The following KIF1B variants were observed in gnomAD, a reference collection of about 807,000 sequenced individuals.
KIF1B encodes kinesin family member 1B, also known as kinesin-like protein KIF1B.
A neutral mutation model predicts 241.9 loss-of-function variants in KIF1B; 76 were observed. That is an observed-to-expected ratio of 0.31 (90% CI 0.26 to 0.38). The LOEUF (loss-of-function observed/expected upper bound fraction) is 0.38. KIF1B is among the 10% of genes least tolerant of loss of function. The pLI, the probability that KIF1B is intolerant of heterozygous loss-of-function variation, is 1.00. For missense variants in KIF1B, 1,622 were observed against 2,271.4 expected (o/e 0.71, Z 5.81); for synonymous variants, 750 against 796.7 (o/e 0.94, Z 0.99).
chr1:10,232,244 T>G lies in KIF1B; in HGVS notation c.-79-6T>G. On this transcript the variant is annotated splice_polypyrimidine_tract_variant and splice_region_variant and intron_variant, in intron 1 of 48. Transcript: ENST00000676179. The stretch of plus-strand genomic sequence containing the variant: ...TACCTCATATGGAATTTTTTTCTTT[T>G]CAAAGGAAACTTGGCTGTAACTTCA... The G allele has an allele frequency of 9.2e-7, 1 of 1,083,064 alleles. No individual in the cohort carries two copies. The highest frequency in any genetic ancestry group is 1.4e-6 in the Non-Finnish European group (1 of 727,256). The allele number at this position is 1,083,064 out of a possible 1,614,324, so 67.1% of individuals were successfully genotyped here.
At chr1:10,218,386 C>T (rs746766880) in intron 1 of KIF1B, among the ~76,000 whole-genome samples, 3 of 151,856 alleles carry the variant, frequency 2.0e-5, no homozygotes, top group Admixed American at 6.6e-5. Flanking sequence ...TGGCTACTCA[C>T]ATGGCTATTA....
intron 2 of KIF1B, among the ~76,000 whole-genome samples, chr1:10,255,483 A>G (rs1004108152): frequency 6.6e-6 from 1 of 152,098 alleles, no homozygotes; most frequent in African/African-American, 2.4e-5. Flanking sequence ...CCAGCTACTC[A>G]GGAGGCTGAG....
At chr1:10,341,614 C>T (rs1652394517) in intron 32 of KIF1B, among the ~76,000 whole-genome samples, 1 of 152,126 alleles carries the variant, frequency 6.6e-6, no homozygotes, top group Non-Finnish European at 1.5e-5. Context: ...ATAGGGGATC[C>T]CCTGTTTTTT....
intron 32 of KIF1B, 99 bp from the exon 33 acceptor site, chr1:10,341,951 C>CA (rs33942183): frequency 0.072 from 49,177 of 679,468 alleles, 114 homozygotes; most frequent in East Asian, 0.094. Flanking sequence ...GACCTTGCCT[C>CA]AAAAAAAAAA....
rs562026830 is a variant in KIF1B at position 10,280,973 on chromosome 1, G to A, written c.1223-1349G>A. On this transcript the variant is annotated intron_variant, in intron 14 of 48. Coordinates refer to ENST00000676179, the MANE Select transcript of KIF1B (RefSeq NM_001365951.3). ...TTGGACCTAAACTCTGTCCATCCTG[G>A]TCTTTTCTCCCAATGGCTAATTTTT... Among the ~76,000 whole-genome samples, 15 of 152,150 alleles carry A rather than the reference G, an allele frequency of 9.9e-5. No individual in the cohort carries two copies. The South Asian group carries it at 2.7e-3, about 27-fold the overall frequency.
intron 1 of KIF1B, among the ~76,000 whole-genome samples, chr1:10,218,191 C>T (rs1169969677): frequency 1.3e-5 from 2 of 152,178 alleles, no homozygotes; most frequent in Admixed American, 6.5e-5. Context: ...TCAGTGTCCC[C>T]TCCTGCCCCC....
intron 2 of KIF1B, among the ~76,000 whole-genome samples, chr1:10,238,325 G>A (rs531266553): frequency 1.1e-4 from 15 of 141,754 alleles, no homozygotes; most frequent in African/African-American, 4.0e-4. Context: ...AGGTTGCAGT[G>A]AACTGAGATG....
chr1:10,238,387 A>AAG (rs1053539574), intron 2 of KIF1B, among the ~76,000 whole-genome samples: 1 of 150,764 alleles, frequency 6.6e-6, no homozygotes, highest in African/African-American at 2.5e-5. Flanking sequence ...GTCTCAAAAA[A>AAG]AAAAAAAAAA....
chr1:10,336,880 C>A (rs1652200016), intron 29 of KIF1B, 138 bp downstream of exon 29: 2 of 1,089,608 alleles, frequency 1.8e-6, no homozygotes, highest in African/African-American at 1.6e-5. Context: ...TGGGACATGT[C>A]TAACAATTAT....
At chr1:10,259,365 A>C (rs988302720) in intron 4 of KIF1B, among the ~76,000 whole-genome samples, 1 of 151,448 alleles carries the variant, frequency 6.6e-6, no homozygotes, top group African/African-American at 2.4e-5. Context: ...CCCATGCTGG[A>C]GTGCAGTGGT....
chr1:10,247,564 G>T (rs887943004), intron 2 of KIF1B, among the ~76,000 whole-genome samples: 1 of 152,202 alleles, frequency 6.6e-6, no homozygotes, highest in African/African-American at 2.4e-5. Context: ...TTAAATGAAA[G>T]AATATTTTGT....
At chr1:10,371,570 A>C (rs1036781637) in intron 45 of KIF1B, among the ~76,000 whole-genome samples, 5 of 152,194 alleles carry the variant, frequency 3.3e-5, no homozygotes, top group Non-Finnish European at 5.9e-5. Context: ...CAGACATAGG[A>C]AGTGCTATCT....
intron 5 of KIF1B, among the ~76,000 whole-genome samples, chr1:10,262,456 A>T (rs934946119): frequency 6.6e-6 from 1 of 152,158 alleles, no homozygotes; most frequent in African/African-American, 2.4e-5. Context: ...GCCACAATTA[A>T]ATCTTTGTTC....
Position 10,281,548 on chromosome 1 carries a change from A to C in KIF1B, c.1223-774A>C, listed in dbSNP as rs917001644. ...CCATGGTTGTACTGTTAGGCTAATT[A>C]AGGGCCTTAAATTAGCAAATAATCA... is the stretch of plus-strand genomic sequence containing the variant. On this transcript the variant is annotated intron_variant, in intron 14 of 48. Transcript: ENST00000676179. 3.9e-5 allele frequency among the ~76,000 whole-genome samples: 6 copies of C among 152,278 alleles called. No homozygotes were observed. In the East Asian group the frequency reaches 1.2e-3, roughly 29 times the overall value.
chr1:10,324,886 T>C lies in KIF1B; in HGVS notation c.2666T>C (p.Leu889Pro), dbSNP rs754465853. ...TATGATCGGTTCCACTGGTTCAAAC[T>C]TGTGGGGAGGTATGTGATGATTTTG... is the stretch of plus-strand genomic sequence containing the variant. Reference protein sequence around the residue: ...PFYDRFHWFKLVGSSPIFHGC... With the variant: ...PFYDRFHWFKPVGSSPIFHGC... The change falls in exon 26 of 49, where the codon CTT (leucine) becomes CCT (proline). Residue 889 changes from leucine (L) to proline (P), a missense_variant. This residue lies in a region of KIF1B where 803 missense variants were observed against 1,112.0 expected (regional missense o/e 0.72). Transcript: ENST00000676179. 1 of 1,614,090 alleles carries C rather than the reference T, an allele frequency of 6.2e-7. No individual in the cohort carries two copies. The highest frequency in any genetic ancestry group is 8.5e-7 in the Non-Finnish European group (1 of 1,180,010).
chr1:10,237,851 A>G (rs1030223333), intron 2 of KIF1B, among the ~76,000 whole-genome samples: 7 of 151,792 alleles, frequency 4.6e-5, no homozygotes, highest in African/African-American at 1.7e-4. Flanking sequence ...TACAAAAAAT[A>G]CAAAAAAGCT....
At chr1:10,238,772 G>A (rs1025450991) in intron 2 of KIF1B, among the ~76,000 whole-genome samples, 5 of 152,082 alleles carry the variant, frequency 3.3e-5, no homozygotes, top group African/African-American at 1.2e-4. Context: ...ATTTAAATTT[G>A]TATACTTTTT....
Position 10,337,616 on chromosome 1 carries a change from G to A in KIF1B, c.3422+83G>A. The stretch of plus-strand genomic sequence containing the variant: ...GTGCACTGTAGAGTGCTTTACATGT[G>A]TGAGGGATTAACACTCTTGAGACAA... On this transcript the variant is annotated intron_variant, in intron 31 of 48. Coordinates refer to ENST00000676179, the MANE Select transcript of KIF1B (RefSeq NM_001365951.3). This position sits in a 1 kb window ranked among gnomAD's most constrained non-coding sequence, Gnocchi z 4.0. The A allele has an allele frequency of 7.0e-7, 1 of 1,438,490 alleles. No homozygotes were observed. Among genetic ancestry groups the A allele is most frequent in the South Asian group, 1.2e-5 (1 of 86,512 alleles). 89.1% of individuals were successfully genotyped at this position (1,438,490 alleles called of 1,614,324 possible). A position where few individuals can be genotyped will look rare whatever the true frequency, so the allele number is the denominator to read the frequency against.
intron 17 of KIF1B, among the ~76,000 whole-genome samples, chr1:10,292,977 G>C (rs1650077664): frequency 1.3e-5 from 2 of 152,110 alleles, no homozygotes; most frequent in African/African-American, 2.4e-5. Flanking sequence ...CTCTAAGTTA[G>C]GATACAAGGG....
Sources: gnomAD v4.1 joint callset for allele counts (sites outside exome capture counted in the v4.1 genomes callset) on GRCh38, gnomAD v4.1.1 for gene constraint, gnomAD v4.1.1 regional missense constraint, Gnocchi (gnomAD v3.1) non-coding constraint, MANE v1.5 for transcripts, NCBI Gene and HGNC (gene_info 2026-07-23, HGNC 2026-07-21) for gene names.